ATP6V0A4: variants seen among roughly 807,000 people sequenced by gnomAD.
The protein encoded by ATP6V0A4 is V-type proton ATPase 116 kDa subunit a 4.
A neutral mutation model predicts 107.3 loss-of-function variants in ATP6V0A4; 86 were observed. That is an observed-to-expected ratio of 0.80 (90% CI 0.67 to 0.96). ATP6V0A4 has a LOEUF of 0.96. Ranked by LOEUF, ATP6V0A4 falls within the 40% of genes least tolerant of loss-of-function variation. The pLI is 0.00. For missense variants in ATP6V0A4, 908 were observed against 1,045.6 expected (o/e 0.87, Z 1.81); for synonymous variants, 353 against 381.4 (o/e 0.93, Z 0.87).
intron 18 of ATP6V0A4, among the ~76,000 whole-genome samples, 154 bp downstream of exon 18, chr7:138,728,607 C>T (rs551698833): frequency 2.3e-4 from 35 of 152,230 alleles, no homozygotes; most frequent in African/African-American, 8.2e-4. Context: ...AGTCTAGCTC[C>T]ACAGAACGAA....
chr7:138,718,166 G>A (rs1413835276), intron 19 of ATP6V0A4, among the ~76,000 whole-genome samples: 1 of 107,154 alleles, frequency 9.3e-6, no homozygotes, highest in African/African-American at 3.3e-5. Flanking sequence ...ATGCAGTCAC[G>A]GATGTCTGTG....
intron 4 of ATP6V0A4, 23 bp downstream of exon 4, chr7:138,769,150 A>G (rs1807241834): frequency 7.9e-6 from 4 of 508,486 alleles, no homozygotes; most frequent in Non-Finnish European, 5.6e-6. Context: ...ACAGTAAGAA[A>G]AAAAAAAAAA....
intron 18 of ATP6V0A4, among the ~76,000 whole-genome samples, chr7:138,722,555 G>A (rs568833434): frequency 1.3e-5 from 2 of 150,088 alleles, no homozygotes; most frequent in African/African-American, 4.9e-5. Context: ...TCAGGAGTTC[G>A]AGACCAGCCT....
Position 138,753,597 on chromosome 7 carries a change from A to G in ATP6V0A4, c.817-760T>C, listed in dbSNP as rs531681252. Among the ~76,000 whole-genome samples the G allele has an allele frequency of 8.1e-4, 124 of 152,288 alleles. 5 individuals carry two copies. In the South Asian group the frequency reaches 0.025, roughly 31 times the overall value. On this transcript the variant is annotated intron_variant, in intron 10 of 21. Coordinates refer to ENST00000310018, the MANE Select transcript of ATP6V0A4 (RefSeq NM_020632.3). ...TGAATGGACAATTGGGCCCACACAG[A>G]ATTTATTTAATGGAATCATTTTTAT... is the stretch of plus-strand genomic sequence containing the variant.
intron 2 of ATP6V0A4, among the ~76,000 whole-genome samples, chr7:138,777,659 CACACAT>C (rs1387590348): frequency 6.0e-5 from 9 of 150,120 alleles, no homozygotes; most frequent in Admixed American, 6.0e-4. Context: ...CACACACACA[CACACAT>C]ATATATTACT....
intron 19 of ATP6V0A4, among the ~76,000 whole-genome samples, chr7:138,718,992 C>T (rs1481415694): frequency 6.6e-6 from 1 of 151,802 alleles, no homozygotes; most frequent in East Asian, 1.9e-4. Context: ...CAGAACCAAC[C>T]CGAGCAACAA....
At chr7:138,730,931 C>CTTT (rs66521953) in intron 17 of ATP6V0A4, among the ~76,000 whole-genome samples, 1,554 of 123,666 alleles carry the variant, frequency 0.013, 73 homozygotes, top group African/African-American at 0.04. Flanking sequence ...TCTTCTTCTT[C>CTTT]TTTTTTTATT....
At chr7:138,711,172 G>A (rs1043333643) in intron 20 of ATP6V0A4, among the ~76,000 whole-genome samples, 22 of 151,918 alleles carry the variant, frequency 1.4e-4, no homozygotes, top group Non-Finnish European at 3.1e-4. Flanking sequence ...CATGCCCATG[G>A]AGTCTCTCAA....
chr7:138,789,218 G>T (rs13307409), intron 1 of ATP6V0A4, among the ~76,000 whole-genome samples: 11 of 145,230 alleles, frequency 7.6e-5, no homozygotes, highest in South Asian at 2.2e-4. Flanking sequence ...AGGTTTTTTG[G>T]GGGGTTTTTT....
chr7:138,745,962 A>AAAAAAAAT (rs1554396065), intron 13 of ATP6V0A4, among the ~76,000 whole-genome samples: 1 of 65,648 alleles, frequency 1.5e-5, no homozygotes, highest in African/African-American at 6.7e-5. Context: ...AAAAAAAAAA[A>AAAAAAAAT]ATATATATAT....
chr7:138,740,935 G>T (rs1805606696), intron 14 of ATP6V0A4, among the ~76,000 whole-genome samples: 1 of 151,140 alleles, frequency 6.6e-6, no homozygotes, highest in Non-Finnish European at 1.5e-5. Context: ...TTGAGGTCAG[G>T]AGTTCAAGAC....
chr7:138,795,654 G>C (rs753439664), intron 1 of ATP6V0A4, among the ~76,000 whole-genome samples: 1 of 152,062 alleles, frequency 6.6e-6, no homozygotes, highest in Non-Finnish European at 1.5e-5. Context: ...TTGTTTGTTT[G>C]TTTGGGGACA....
At chr7:138,771,292 A>G (rs1807374815) in intron 2 of ATP6V0A4, 28 bp from the exon 3 acceptor site, 1 of 1,609,380 alleles carries the variant, frequency 6.2e-7, no homozygotes, top group Admixed American at 1.7e-5. Flanking sequence ...AAAGATATTA[A>G]TATTTAAGGT....
At chr7:138,711,193 T>TTTTAAA (rs1803721968) in intron 20 of ATP6V0A4, among the ~76,000 whole-genome samples, 1 of 151,842 alleles carries the variant, frequency 6.6e-6, no homozygotes, top group Non-Finnish European at 1.5e-5. Context: ...AGGCTGACAG[T>TTTTAAA]CGGGGAATGT....
At chr7:138,794,027 G>T (rs1377616726) in intron 1 of ATP6V0A4, among the ~76,000 whole-genome samples, 2 of 152,144 alleles carry the variant, frequency 1.3e-5, no homozygotes, top group African/African-American at 4.8e-5. Context: ...TTTCCTAAAA[G>T]GGAACCTCTT....
intron 7 of ATP6V0A4, among the ~76,000 whole-genome samples, chr7:138,761,099 C>G (rs765420932): frequency 8.5e-5 from 13 of 152,234 alleles, no homozygotes; most frequent in South Asian, 4.1e-4. Flanking sequence ...AGGCATAAGC[C>G]ACCACATCTG....
At chr7:138,771,358 G>C (rs1807377602) in intron 2 of ATP6V0A4, 94 bp from the exon 3 acceptor site, 2 of 1,410,654 alleles carry the variant, frequency 1.4e-6, no homozygotes, top group Admixed American at 2.1e-5. Context: ...AAATCTAACA[G>C]GGAAAAAAAA....
intron 2 of ATP6V0A4, among the ~76,000 whole-genome samples, chr7:138,784,012 C>G (rs1563020481): frequency 6.6e-6 from 1 of 151,756 alleles, no homozygotes. Context: ...AGAGAAGAAC[C>G]AAACACAGCT....
In ATP6V0A4 at chr7:138,755,749, A is replaced by G. The variant is rs375485021; in HGVS notation, c.756T>C (p.Pro252=). ...CCAACATCTCTCTGCGCTCCACCGC[A>G]GGCTCTGGGCAAGGGTAGACAGTGG... ...FRATVYPCPE[P]AVERREMLES... The change falls in exon 10 of 22, where the codon CCT becomes CCC. Residue 252 remains proline (P), a synonymous_variant. Transcript: ENST00000310018. The G allele has an allele frequency of 1.1e-5, 18 of 1,613,848 alleles. No individual in the cohort carries two copies. The African/African-American group carries it at 1.2e-4, about 11-fold the overall frequency.
Sources: gnomAD v4.1 joint callset for allele counts (sites outside exome capture counted in the v4.1 genomes callset) on GRCh38, gnomAD v4.1.1 for gene constraint, MANE v1.5 for transcripts, NCBI Gene and HGNC (gene_info 2026-07-23, HGNC 2026-07-21) for gene names.